TMEM43: variants seen among roughly 807,000 people sequenced by gnomAD.
The protein encoded by TMEM43 is transmembrane protein 43.
TMEM43 carries 45 observed loss-of-function variants against 49.6 expected under a neutral mutation model. The ratio of observed to expected loss-of-function variants is 0.91; its 90% CI spans 0.71 to 1.16. The LOEUF (loss-of-function observed/expected upper bound fraction) is 1.16, where lower values mean the gene tolerates loss of function less well. Ranked by LOEUF, TMEM43 falls within the 50% of genes most tolerant of loss-of-function variation. The pLI is 0.00. For synonymous variants in TMEM43, 199 were observed against 207.8 expected, an observed-to-expected ratio of 0.96 and a Z score of 0.36; for missense variants, 532 against 516.6, an observed-to-expected ratio of 1.03 and a Z score of -0.29.
Position 14,141,802 on chromosome 3 carries a change from C to G in TMEM43, c.*7C>G. ...AGCCAAAAAGTTGGAGTGAAAAGAC[C>G]CTGGCACCCGCCCGACACCTGCGTG... is the stretch of plus-strand genomic sequence containing the variant. On this transcript the variant is annotated 3_prime_UTR_variant, in exon 12 of 12. Coordinates refer to ENST00000306077, the MANE Select transcript of TMEM43 (RefSeq NM_024334.3). 5 of 1,611,642 alleles carry G rather than the reference C, an allele frequency of 3.1e-6. No homozygotes were observed. In the South Asian group the frequency reaches 5.5e-5, roughly 18 times the overall value.
intron 10 of TMEM43, among the ~76,000 whole-genome samples, chr3:14,136,692 G>A (rs1695174530): frequency 6.7e-6 from 1 of 150,358 alleles, no homozygotes; most frequent in Admixed American, 6.7e-5. Context: ...CCCAGAGCGG[G>A]GAGAGGGAGT....
At chr3:14,136,388 A>C (rs976091617) in intron 10 of TMEM43, among the ~76,000 whole-genome samples, 1 of 152,182 alleles carries the variant, frequency 6.6e-6, no homozygotes, top group African/African-American at 2.4e-5. Context: ...CACTAAACTC[A>C]CTGTGCCTCA....
chr3:14,142,033 A>G lies in TMEM43; in HGVS notation c.*238A>G, dbSNP rs1695256032. ...TTTGGTGGGCAGCAGCAGCTCATGAATGGCAAGCTGACAGCTTCTCCTGCT... is the reference window on the plus strand; with the variant it reads ...TTTGGTGGGCAGCAGCAGCTCATGAGTGGCAAGCTGACAGCTTCTCCTGCT... On this transcript the variant is annotated 3_prime_UTR_variant, in exon 12 of 12. Coordinates refer to ENST00000306077, the MANE Select transcript of TMEM43 (RefSeq NM_024334.3). 2 of 569,444 alleles carry G rather than the reference A, an allele frequency of 3.5e-6. No homozygotes were observed. Among genetic ancestry groups the G allele is most frequent in the Non-Finnish European group, 6.3e-6 (2 of 317,936 alleles). 35.3% of individuals were successfully genotyped at this position (569,444 alleles called of 1,614,324 possible). A position where few individuals can be genotyped will look rare whatever the true frequency, so the allele number is the denominator to read the frequency against.
At chr3:14,133,893 G>A in intron 7 of TMEM43, 84 bp downstream of exon 7, 1 of 1,221,178 alleles carries the variant, frequency 8.2e-7, no homozygotes, top group Non-Finnish European at 1.2e-6. Context: ...TCAGCCTTCA[G>A]AGGGCTAAAG....
intron 2 of TMEM43, among the ~76,000 whole-genome samples, chr3:14,130,037 G>A (rs192958719): frequency 1.2e-5 from 1 of 86,482 alleles, no homozygotes; most frequent in Non-Finnish European, 2.2e-5. Context: ...CCCTTCCTTT[G>A]TTCCTTTCTT....
Position 14,133,805 on chromosome 3 carries a change from G to A in TMEM43, c.579G>A (p.Ser193=), listed in dbSNP as rs369319499. Residue 193 remains serine, a synonymous_variant, in exon 7 of 12, where the codon TCG becomes TCA. Coordinates refer to ENST00000306077, the MANE Select transcript of TMEM43 (RefSeq NM_024334.3). The stretch of plus-strand genomic sequence containing the variant: ...TCCAAATTGGCAGGTTTTTCCTCTC[G>A]TCAGGTAAGTCTCAGGCCTCTCCAG... ...PFVQIGRFFL[S]SGLIDKVDNF... 4.7e-5 allele frequency: 76 copies of A among 1,614,118 alleles called. No individual in the cohort carries two copies. The East Asian group carries it at 6.2e-4, about 13-fold the overall frequency.
Position 14,134,812 on chromosome 3 carries a change from C to G in TMEM43, c.626C>G (p.Ser209Cys). The change falls in exon 8 of 12, where the codon TCC becomes TGC. Residue 209 changes from serine (S) to cysteine (C), a missense_variant. Transcript: ENST00000306077. ...GACAACTTCAAGTCCCTGAGCCTAT[C>G]CAAGCTGGAGGACCCTCATGTGGAC... is the stretch of plus-strand genomic sequence containing the variant. ...KVDNFKSLSL[S>C]KLEDPHVDII... 6.2e-7 allele frequency: 1 copy of G among 1,614,180 alleles called. No individual in the cohort carries two copies. Among genetic ancestry groups the G allele is most frequent in the Non-Finnish European group, 8.5e-7 (1 of 1,180,032 alleles).
Position 14,140,528 on chromosome 3 carries a change from G to C in TMEM43, c.1001-1065G>C, listed in dbSNP as rs570693064. Among the ~76,000 whole-genome samples, 2 of 152,318 alleles carry C rather than the reference G, an allele frequency of 1.3e-5. 1 individual carries two copies. Among genetic ancestry groups the C allele is most frequent in the South Asian group, 4.1e-4 (2 of 4,826 alleles). On this transcript the variant is annotated intron_variant, in intron 11 of 11. Coordinates refer to ENST00000306077, the MANE Select transcript of TMEM43 (RefSeq NM_024334.3). ...CAACGTGTGTAAGACTCCACAGCTA[G>C]AGACAGACAAGACTTAGAGCAACAG... is the stretch of plus-strand genomic sequence containing the variant.
chr3:14,131,017 G>A, intron 3 of TMEM43, 61 bp downstream of exon 3: 5 of 1,570,072 alleles, frequency 3.2e-6, no homozygotes, highest in Non-Finnish European at 4.3e-6. Context: ...GATGTTGTCT[G>A]GCTGAGGATT....
intron 10 of TMEM43, 57 bp from the exon 11 acceptor site, chr3:14,139,123 C>T (rs543527357): frequency 6.0e-5 from 79 of 1,313,402 alleles, no homozygotes; most frequent in Middle Eastern, 1.8e-4. Context: ...CCTGCCCTGC[C>T]GACTGGGTAC....
Position 14,125,072 on chromosome 3 carries a change from C to G in TMEM43, c.-122C>G, listed in dbSNP as rs1218945620. 5 of 1,304,448 alleles carry G rather than the reference C, an allele frequency of 3.8e-6. No homozygotes were observed. Among genetic ancestry groups the G allele is most frequent in the South Asian group, 2.5e-5 (2 of 80,214 alleles). The allele number at this position is 1,304,448 out of a possible 1,614,324, so 80.8% of individuals were successfully genotyped here. On this transcript the variant is annotated 5_prime_UTR_variant, in exon 1 of 12. Transcript: ENST00000306077. ...TAACTGCAGTAAGTCCCGCTTGGCC[C>G]TGGAGTCCACGCGGATTTTCGAAGC...
chr3:14,132,542 G>A lies in TMEM43; in HGVS notation c.393-4G>A. 6.2e-7 allele frequency: 1 copy of A among 1,614,146 alleles called. No homozygotes were observed. The highest frequency in any genetic ancestry group is 8.5e-7 in the Non-Finnish European group (1 of 1,180,010). ...CCCCCGTGGCTGCTTTGCTTTCCCTGCAGGGAGTACACCGAGGATGGGCAG... is the reference window on the plus strand; with the variant it reads ...CCCCCGTGGCTGCTTTGCTTTCCCTACAGGGAGTACACCGAGGATGGGCAG... On this transcript the variant is annotated splice_region_variant and splice_polypyrimidine_tract_variant and intron_variant, in intron 4 of 11. Transcript: ENST00000306077.
chr3:14,127,426 C>T (rs1317728011), intron 1 of TMEM43, among the ~76,000 whole-genome samples: 2 of 152,218 alleles, frequency 1.3e-5, no homozygotes, highest in Non-Finnish European at 2.9e-5. Context: ...TTGCTGCCTG[C>T]AGCTGGCTCC....
rs1284879473 is a variant in TMEM43 at position 14,135,237 on chromosome 3, C to T, written c.780+5C>T. 2 of 1,610,918 alleles carry T rather than the reference C, an allele frequency of 1.2e-6. No individual in the cohort carries two copies. The highest frequency in any genetic ancestry group is 2.7e-5 in the African/African-American group (2 of 74,904). ...GACCTGGGCCCAGCTCACGTGGTAA[C>T]CTGGCTTCCCAGGGGCAGACACTAA... On this transcript the variant is annotated splice_donor_5th_base_variant and intron_variant, in intron 9 of 11. Coordinates refer to ENST00000306077, the MANE Select transcript of TMEM43 (RefSeq NM_024334.3).
chr3:14,138,081 C>G (rs1175838100), intron 10 of TMEM43: 1 of 152,154 alleles, frequency 6.6e-6, no homozygotes, highest in African/African-American at 2.4e-5. Flanking sequence ...TTTGTTGTTA[C>G]GGACTCTGAG....
rs1043953 is a variant in TMEM43 at position 14,142,258 on chromosome 3, A to G, written c.*463A>G. ...TGATCCTGAAGGGCGGCCGTTAGTC[A>G]TTACTGCTGAGTCCTGGGTCACCAG... On this transcript the variant is annotated 3_prime_UTR_variant, in exon 12 of 12. Transcript: ENST00000306077. 32,489 of 210,958 alleles carry G rather than the reference A, an allele frequency of 0.15. 3,246 individuals are homozygous for G. Among genetic ancestry groups the G allele is most frequent in the Non-Finnish European group, 0.21 (20,805 of 101,250 alleles). The allele number at this position is 210,958 out of a possible 1,614,324, so 13.1% of individuals were successfully genotyped here. A position where few individuals can be genotyped will look rare whatever the true frequency, so the allele number is the denominator to read the frequency against.
Position 14,132,852 on chromosome 3 carries a change from C to T in TMEM43, c.443-14C>T. On this transcript the variant is annotated splice_polypyrimidine_tract_variant and intron_variant, in intron 5 of 11. Transcript: ENST00000306077. The stretch of plus-strand genomic sequence containing the variant: ...TCCTACCCGGGCTCTGAGTTGATTC[C>T]TCTCCCTGAGCAGACACTGAATGGA... 2 of 1,613,712 alleles carry T rather than the reference C, an allele frequency of 1.2e-6. No individual in the cohort carries two copies. Among genetic ancestry groups the T allele is most frequent in the Non-Finnish European group, 1.7e-6 (2 of 1,179,680 alleles).
intron 11 of TMEM43, among the ~76,000 whole-genome samples, chr3:14,140,686 G>GAAGA (rs1457186998): frequency 6.6e-6 from 1 of 152,240 alleles, no homozygotes; most frequent in Non-Finnish European, 1.5e-5. Context: ...ATGGAGTTAA[G>GAAGA]AAGAGTACCT....
chr3:14,129,414 T>G lies in TMEM43; in HGVS notation c.15T>G (p.Tyr5Ter), dbSNP rs1186672026. The G allele has an allele frequency of 6.2e-7, 1 of 1,613,300 alleles. No homozygotes were observed. The highest frequency in any genetic ancestry group is 1.7e-5 in the Admixed American group (1 of 59,980). MAAN[Y>*]SSTSTRREHV... is the part of the protein sequence containing the mutation. The stretch of plus-strand genomic sequence containing the variant: ...TGTTACTGTTTCTTTTTCTTCAGTA[T>G]TCCAGTACCAGTACCCGGAGAGAAC... The change falls in exon 2 of 12, where the codon TAT becomes TAG. Residue 5 changes from tyrosine to a stop codon, truncating the protein, a stop_gained and splice_region_variant. Transcript: ENST00000306077. LOFTEE classifies it high-confidence loss of function.
Sources: allele counts gnomAD v4.1 joint callset (sites outside exome capture counted in the v4.1 genomes callset), GRCh38; gene constraint gnomAD v4.1.1; transcripts MANE v1.5; gene names NCBI Gene and HGNC (gene_info 2026-07-23, HGNC 2026-07-21).